Variants in AFF2 observed in about 807,000 individuals in gnomAD.
AFF2 encodes ALF transcription elongation factor 2.
A neutral mutation model predicts 76.9 loss-of-function variants in AFF2; 14 were observed. That is an observed-to-expected ratio of 0.18 (90% CI 0.12 to 0.28). The LOEUF is 0.28. Among genes scored for constraint, AFF2 ranks in the 10% least tolerant of loss-of-function variants. The pLI is 1.00. For missense variants in AFF2, 868 were observed against 1,001.1 expected, an observed-to-expected ratio of 0.87 and a Z score of 1.79; for synonymous variants, 398 against 366.7, an observed-to-expected ratio of 1.09 and a Z score of -0.98.
chrX:148,712,712 T>C (rs983201726), intron 3 of AFF2, among the ~76,000 whole-genome samples: 4 of 112,335 alleles, frequency 3.6e-5, no homozygotes, highest in Non-Finnish European at 7.5e-5. Flanking sequence ...GAGGCTGTTG[T>C]GCATTTATAC....
At chrX:148,729,980 C>T (rs1603289411) in intron 3 of AFF2, among the ~76,000 whole-genome samples, 2 of 111,776 alleles carry the variant, frequency 1.8e-5, no homozygotes, top group Middle Eastern at 4.6e-3. Flanking sequence ...GAATGTTCTA[C>T]GCATTTGTGT....
At chrX:148,877,030 C>G (rs2071042795) in intron 7 of AFF2, among the ~76,000 whole-genome samples, 1 of 112,000 alleles carries the variant, frequency 8.9e-6, no homozygotes, top group South Asian at 3.8e-4. Flanking sequence ...AAATTGACTC[C>G]TCAGCTACAG....
chrX:148,785,407 G>A (rs1248730490), intron 3 of AFF2, among the ~76,000 whole-genome samples: 1 of 111,354 alleles, frequency 9.0e-6, no homozygotes, highest in Admixed American at 9.6e-5. Context: ...CCAGAATAGG[G>A]ACTGCTGCCA....
intron 1 of AFF2, among the ~76,000 whole-genome samples, chrX:148,564,102 G>C (rs1012163992): frequency 8.9e-6 from 1 of 111,931 alleles, no homozygotes; most frequent in African/African-American, 3.2e-5. Context: ...CAAAACAACA[G>C]ACATGCTGTA....
At chrX:148,985,383 C>T (rs1441323212) in intron 19 of AFF2, among the ~76,000 whole-genome samples, 2 of 97,491 alleles carry the variant, frequency 2.1e-5, no homozygotes, top group Non-Finnish European at 4.1e-5. Flanking sequence ...CTCACTGCAG[C>T]CTCAGTCTCC....
chrX:148,533,757 G>A (rs1447632469), intron 1 of AFF2, among the ~76,000 whole-genome samples: 3 of 111,780 alleles, frequency 2.7e-5, no homozygotes, highest in Non-Finnish European at 5.6e-5. Flanking sequence ...CTTTAATAAG[G>A]CAAATCTAGA....
At chrX:148,603,873 T>A (rs2053650032) in intron 1 of AFF2, among the ~76,000 whole-genome samples, 1 of 111,308 alleles carries the variant, frequency 9.0e-6, no homozygotes, top group African/African-American at 3.3e-5. Context: ...TTTTCTATAT[T>A]TCTTCAATGT....
chrX:148,951,492 A>T (rs782169875), intron 9 of AFF2, among the ~76,000 whole-genome samples: 1 of 111,793 alleles, frequency 8.9e-6, no homozygotes, highest in Admixed American at 9.5e-5. Flanking sequence ...ATACTAGGAA[A>T]CAGCCTTTTC....
chrX:148,911,640 A>C (rs182615095), intron 9 of AFF2, among the ~76,000 whole-genome samples: 106 of 112,494 alleles, frequency 9.4e-4, no homozygotes, highest in African/African-American at 3.3e-3. Flanking sequence ...ACCAGAGGAT[A>C]TCTTTGTCTG....
intron 3 of AFF2, among the ~76,000 whole-genome samples, chrX:148,723,557 G>A (rs1439477730): frequency 8.9e-6 from 1 of 111,983 alleles, no homozygotes; most frequent in Non-Finnish European, 1.9e-5. Context: ...ATCTTGAGAT[G>A]AGGCTGGCTA....
chrX:148,561,626 G>C lies in AFF2; in HGVS notation c.47+60482G>C, dbSNP rs938271859. ...TCTTTCCAGATGCCAATCCTTACCT[G>C]TACCTCGTCTCACTCCTACTGAGCC... On this transcript the variant is annotated intron_variant, in intron 1 of 20. Coordinates refer to ENST00000370460, the MANE Select transcript of AFF2 (RefSeq NM_002025.4). 1.6e-4 allele frequency among the ~76,000 whole-genome samples: 18 copies of C among 111,164 alleles called. 1 individual carries two copies. The highest frequency in any genetic ancestry group is 2.5e-4 in the Non-Finnish European group (13 of 53,032).
At chrX:148,532,484 G>A (rs920305570) in intron 1 of AFF2, among the ~76,000 whole-genome samples, 1 of 112,193 alleles carries the variant, frequency 8.9e-6, no homozygotes, top group South Asian at 3.7e-4. Context: ...CAGGAAGAAT[G>A]GTCAAGGAAT....
intron 3 of AFF2, among the ~76,000 whole-genome samples, chrX:148,692,972 G>A (rs2054668386): frequency 9.0e-6 from 1 of 111,087 alleles, no homozygotes; most frequent in African/African-American, 3.3e-5. Flanking sequence ...AGGCTGGAGT[G>A]CAGTGGCGCG....
chrX:148,624,086 T>C (rs908854366), intron 1 of AFF2, among the ~76,000 whole-genome samples: 4 of 111,995 alleles, frequency 3.6e-5, no homozygotes, highest in African/African-American at 1.3e-4. Flanking sequence ...ATAGGCTTAT[T>C]TTGTAAGGGC....
intron 1 of AFF2, among the ~76,000 whole-genome samples, chrX:148,643,476 G>A (rs2054110036): frequency 9.0e-6 from 1 of 111,576 alleles, no homozygotes; most frequent in Non-Finnish European, 1.9e-5. Flanking sequence ...TGTTACAAAC[G>A]GGTCAATGAG....
chrX:148,992,241 G>T lies in AFF2; in HGVS notation c.*909G>T, dbSNP rs2124439812. 8.9e-6 allele frequency: 1 copy of T among 111,975 alleles called. No homozygotes were observed. Among genetic ancestry groups the T allele is most frequent in the East Asian group, 2.8e-4 (1 of 3,547 alleles). The allele number at this position is 111,975 out of a possible 1,213,427, so 9.2% of individuals were successfully genotyped here. On this transcript the variant is annotated 3_prime_UTR_variant, in exon 21 of 21. Transcript: ENST00000370460. ...TGTCCAACAAGGAATTCACACCTCT[G>T]CCTCCTTTGCAACAACAACATTTAC... is the stretch of plus-strand genomic sequence containing the variant.
intron 5 of AFF2, 116 bp downstream of exon 5, chrX:148,837,849 T>C (rs782176588): frequency 1.7e-4 from 79 of 473,043 alleles, no homozygotes; most frequent in Admixed American, 1.4e-3. Context: ...AAATCTAGAC[T>C]CTCTTGCCCC....
Position 148,956,015 on chromosome X carries a change from A to C in AFF2, c.1970A>C (p.Glu657Ala), listed in dbSNP as rs782716807. 8.3e-7 allele frequency: 1 copy of C among 1,211,540 alleles called. No individual in the cohort carries two copies. Among genetic ancestry groups the C allele is most frequent in the Non-Finnish European group, 1.1e-6 (1 of 895,497 alleles). The change falls in exon 11 of 21, where the codon GAA becomes GCA. Residue 657 changes from glutamate (E) to alanine (A), a missense_variant. Physicochemically the swap from Glu to Ala is moderately radical, Grantham distance 107. Coordinates refer to ENST00000370460, the MANE Select transcript of AFF2 (RefSeq NM_002025.4). ...AATATTACCAGCAGCACTCCCAAAG[A>C]AAAAGAAAGTGTGGAGCTTCATGAC... is the stretch of plus-strand genomic sequence containing the variant. ...KPNITSSTPKEKESVELHDPP... is the reference protein window; with the variant it reads ...KPNITSSTPKAKESVELHDPP...
intron 1 of AFF2, among the ~76,000 whole-genome samples, chrX:148,614,135 A>G (rs1408663031): frequency 8.9e-6 from 1 of 112,407 alleles, no homozygotes; most frequent in Non-Finnish European, 1.9e-5. Context: ...AGGATAAACT[A>G]TCAGTTGATG....
Sources: allele counts gnomAD v4.1 joint callset (sites outside exome capture counted in the v4.1 genomes callset), GRCh38; gene constraint gnomAD v4.1.1; transcripts MANE v1.5; gene names NCBI Gene and HGNC (gene_info 2026-07-23, HGNC 2026-07-21).